Variants in CCNJL observed in about 807,000 individuals in gnomAD.
CCNJL encodes cyclin-J-like protein.
In CCNJL, 33 loss-of-function variants were observed where a neutral mutation model predicts 33.4. The observed-to-expected ratio is 0.99, with a 90% CI of 0.75 to 1.32. The LOEUF (loss-of-function observed/expected upper bound fraction) is 1.32, where lower values mean the gene tolerates loss of function less well. CCNJL is among the 40% of genes most tolerant of loss of function. The probability of loss-of-function intolerance (pLI) is 0.00; values close to 1 mark genes in which losing one functional copy is unlikely to be tolerated. For missense variants in CCNJL, 512 were observed against 499.7 expected (o/e 1.02, Z -0.23); for synonymous variants, 227 against 220.9 (o/e 1.03, Z -0.24).
At chr5:160,320,433 G>A (rs1318463137) in intron 1 of CCNJL, among the ~76,000 whole-genome samples, 1 of 152,092 alleles carries the variant, frequency 6.6e-6, no homozygotes, top group Non-Finnish European at 1.5e-5. Context: ...GATGACTTAC[G>A]GCCCTCCTGG....
intron 3 of CCNJL, among the ~76,000 whole-genome samples, chr5:160,278,563 G>C (rs1762095054): frequency 6.6e-6 from 1 of 152,132 alleles, no homozygotes; most frequent in African/African-American, 2.4e-5. Context: ...TGTTCCTGCT[G>C]CCCGAGGCTG....
At chr5:160,264,984 T>A (rs1453322917) in intron 3 of CCNJL, among the ~76,000 whole-genome samples, 2 of 152,230 alleles carry the variant, frequency 1.3e-5, no homozygotes, top group East Asian at 3.8e-4. Flanking sequence ...CTCCCTTGAA[T>A]GTTATTACCC....
At chr5:160,339,378 A>T in intron 1 of CCNJL, 1 of 365,730 alleles carries the variant, frequency 2.7e-6, no homozygotes, top group Non-Finnish European at 5.4e-6. Flanking sequence ...AAAACAAAAA[A>T]AAACGCCAAA....
At chr5:160,313,841 C>T (rs1763343440), upstream of CCNJL, among the ~76,000 whole-genome samples, 2 of 152,190 alleles carry the variant, frequency 1.3e-5, no homozygotes, top group Non-Finnish European at 2.9e-5. Context: ...GGGAGAATAT[C>T]TGCGAGAAAA....
intron 3 of CCNJL, among the ~76,000 whole-genome samples, chr5:160,278,562 T>C (rs1362962609): frequency 6.6e-6 from 1 of 152,190 alleles, no homozygotes; most frequent in South Asian, 2.1e-4. Context: ...CTGTTCCTGC[T>C]GCCCGAGGCT....
chr5:160,279,176 G>A (rs1390064881), intron 3 of CCNJL, among the ~76,000 whole-genome samples: 2 of 152,232 alleles, frequency 1.3e-5, no homozygotes, highest in African/African-American at 4.8e-5. Context: ...AGCTACAGGA[G>A]AAAGTGGGTG....
chr5:160,254,344 G>T, intron 5 of CCNJL: 1 of 661,476 alleles, frequency 1.5e-6, no homozygotes, highest in Non-Finnish European at 2.7e-6. Context: ...GGCTGGAACA[G>T]AGATTTTTGC....
Position 160,250,812 on chromosome 5 carries a change from T to A in CCNJL, c.*2566A>T, listed in dbSNP as rs1324747999. On this transcript the variant is annotated 3_prime_UTR_variant, in exon 6 of 6. Coordinates refer to ENST00000257536, the MANE Select transcript of CCNJL (RefSeq NM_001308173.3). ...AATAGTGCATCTTACAAAAAGCTGA[T>A]CTTATGCTTGAAGAAATATAATAAT... 6.6e-6 allele frequency: 1 copy of A among 152,226 alleles called. No homozygotes were observed. Among genetic ancestry groups the A allele is most frequent in the South Asian group, 2.1e-4 (1 of 4,834 alleles). 9.4% of individuals were successfully genotyped at this position (152,226 alleles called of 1,614,324 possible).
At chr5:160,266,551 G>A (rs1761596723) in intron 3 of CCNJL, among the ~76,000 whole-genome samples, 1 of 152,186 alleles carries the variant, frequency 6.6e-6, no homozygotes, top group South Asian at 2.1e-4. Flanking sequence ...CCTCACTCCT[G>A]GTATCATTTG....
chr5:160,285,209 G>C (rs1296239682), intron 2 of CCNJL, among the ~76,000 whole-genome samples: 1 of 152,204 alleles, frequency 6.6e-6, no homozygotes, highest in Non-Finnish European at 1.5e-5. Flanking sequence ...CAATCAATCA[G>C]TCATGGAGCT....
intron 3 of CCNJL, among the ~76,000 whole-genome samples, chr5:160,268,389 T>C (rs1761695523): frequency 6.6e-6 from 1 of 152,206 alleles, no homozygotes; most frequent in Non-Finnish European, 1.5e-5. Context: ...TGTTTCCTCA[T>C]CTGTGAAATG....
At chr5:160,273,642 C>CTT (rs56869675) in intron 3 of CCNJL, among the ~76,000 whole-genome samples, 2,086 of 97,658 alleles carry the variant, frequency 0.021, 90 homozygotes, top group Non-Finnish European at 0.025. Flanking sequence ...AGTGCCGCCA[C>CTT]TTTTTTTTTT....
intron 2 of CCNJL, among the ~76,000 whole-genome samples, chr5:160,288,829 T>TAAAAAA (rs33916362): frequency 1.1e-5 from 1 of 89,540 alleles, no homozygotes; most frequent in Non-Finnish European, 2.3e-5. Context: ...AGACTCTGTC[T>TAAAAAA]AAAAAAAAAA....
intron 4 of CCNJL, among the ~76,000 whole-genome samples, chr5:160,257,139 G>A (rs924741363): frequency 2.6e-5 from 4 of 151,996 alleles, no homozygotes; most frequent in African/African-American, 9.7e-5. Flanking sequence ...CCAGGAGTTT[G>A]AGACGAGCCT....
At chr5:160,338,202 C>T (rs1265459993) in intron 1 of CCNJL, among the ~76,000 whole-genome samples, 2 of 151,560 alleles carry the variant, frequency 1.3e-5, no homozygotes, top group Non-Finnish European at 2.9e-5. Context: ...TTGGAAGCCA[C>T]CCTGGGTAAC....
intron 1 of CCNJL, among the ~76,000 whole-genome samples, chr5:160,320,663 G>A (rs774019824): frequency 2.6e-5 from 4 of 152,130 alleles, no homozygotes; most frequent in Non-Finnish European, 5.9e-5. Flanking sequence ...TGAAAGCTTG[G>A]GAATTGGTGC....
chr5:160,282,970 T>C (rs1286797162), intron 2 of CCNJL, among the ~76,000 whole-genome samples: 1 of 41,114 alleles, frequency 2.4e-5, no homozygotes, highest in Non-Finnish European at 4.1e-5. Flanking sequence ...CCTTGGAATA[T>C]ATATATATAT....
intron 4 of CCNJL, 75 bp downstream of exon 4, chr5:160,259,394 T>A: frequency 7.1e-7 from 1 of 1,416,228 alleles, no homozygotes; most frequent in Non-Finnish European, 9.7e-7. Flanking sequence ...GACATGCCTT[T>A]TAGAGCCGCC....
chr5:160,298,357 TA>T (rs879924908), intron 2 of CCNJL, among the ~76,000 whole-genome samples: 216 of 143,340 alleles, frequency 1.5e-3, no homozygotes, highest in Middle Eastern at 3.6e-3. Context: ...AGACTCTATT[TA>T]AAAAAAAAAA....
Sources: allele counts gnomAD v4.1 joint callset (sites outside exome capture counted in the v4.1 genomes callset), GRCh38; gene constraint gnomAD v4.1.1; transcripts MANE v1.5; gene names NCBI Gene and HGNC (gene_info 2026-07-23, HGNC 2026-07-21).